CLSTN2: variants seen among roughly 807,000 people sequenced by gnomAD.
The protein encoded by CLSTN2 is calsyntenin-2.
CLSTN2 carries 48 observed loss-of-function variants against 101.2 expected under a neutral mutation model. The observed-to-expected ratio is 0.47, with a 90% CI of 0.38 to 0.60. CLSTN2 has a LOEUF of 0.60. Among genes scored for constraint, CLSTN2 ranks in the 20% least tolerant of loss-of-function variants. The probability of loss-of-function intolerance (pLI) is 0.00; values close to 1 mark genes in which losing one functional copy is unlikely to be tolerated. For synonymous variants in CLSTN2, 481 were observed against 463.6 expected (o/e 1.04, Z -0.48); for missense variants, 1,160 against 1,238.2 (o/e 0.94, Z 0.95).
chr3:140,077,318 C>T (rs914283203), intron 1 of CLSTN2, among the ~76,000 whole-genome samples: 1 of 152,188 alleles, frequency 6.6e-6, no homozygotes, highest in Non-Finnish European at 1.5e-5. Flanking sequence ...CAGGTTACCC[C>T]TCTGTGCTCC....
At chr3:140,071,971 A>C (rs1157533138) in intron 1 of CLSTN2, among the ~76,000 whole-genome samples, 2 of 152,246 alleles carry the variant, frequency 1.3e-5, no homozygotes, top group African/African-American at 4.8e-5. Context: ...CTGATTGGCA[A>C]AGATTCAAAA....
intron 5 of CLSTN2, among the ~76,000 whole-genome samples, chr3:140,427,880 GTCT>G (rs982281678): frequency 1.3e-5 from 2 of 152,144 alleles, no homozygotes; most frequent in Non-Finnish European, 1.5e-5. Context: ...ACCCAGTTTG[GTCT>G]TCTTAGTGTT....
At chr3:140,245,000 T>G (rs186994094) in intron 2 of CLSTN2, among the ~76,000 whole-genome samples, 25 of 152,342 alleles carry the variant, frequency 1.6e-4, no homozygotes, top group Admixed American at 2.6e-4. Context: ...AGTGGAGGTG[T>G]GCACAGTACT....
chr3:140,236,029 G>C (rs1004581279), intron 2 of CLSTN2, among the ~76,000 whole-genome samples: 10 of 152,094 alleles, frequency 6.6e-5, no homozygotes, highest in African/African-American at 2.4e-4. Flanking sequence ...GTGTCCCTGA[G>C]CAAGTGTTAG....
intron 2 of CLSTN2, among the ~76,000 whole-genome samples, chr3:140,227,734 T>G (rs897133343): frequency 4.6e-5 from 7 of 152,234 alleles, no homozygotes; most frequent in Non-Finnish European, 2.9e-5. Flanking sequence ...AGGTTGAGGT[T>G]ACCAAACCCT....
chr3:139,977,395 A>C (rs571070432), intron 1 of CLSTN2, among the ~76,000 whole-genome samples: 34 of 152,300 alleles, frequency 2.2e-4, no homozygotes, highest in Non-Finnish European at 3.7e-4. Context: ...CCCTGGGCTC[A>C]GGCCTCCATG....
chr3:140,427,818 G>A (rs1383326029), intron 5 of CLSTN2, among the ~76,000 whole-genome samples: 2 of 152,132 alleles, frequency 1.3e-5, no homozygotes, highest in Non-Finnish European at 2.9e-5. Flanking sequence ...AAGTTCTTGA[G>A]TTGCGATTTG....
chr3:140,554,471 G>A (rs1472870006), intron 10 of CLSTN2, among the ~76,000 whole-genome samples: 1 of 152,160 alleles, frequency 6.6e-6, no homozygotes, highest in Non-Finnish European at 1.5e-5. Flanking sequence ...GATGGGATTT[G>A]TCATTTATCA....
At chr3:140,033,150 A>G (rs912734695) in intron 1 of CLSTN2, among the ~76,000 whole-genome samples, 1 of 152,354 alleles carries the variant, frequency 6.6e-6, no homozygotes, top group Middle Eastern at 3.4e-3. Context: ...CGTAGTAGAT[A>G]ACACATAAAA....
Position 140,134,924 on chromosome 3 carries a change from G to A in CLSTN2, c.110-41027G>A, listed in dbSNP as rs557979340. On this transcript the variant is annotated intron_variant, in intron 1 of 16. Coordinates refer to ENST00000458420, the MANE Select transcript of CLSTN2 (RefSeq NM_022131.3). ...TAAGCTGGCTTGTTAAAAGAAGGTTGGAAAGGTGACTATATGAACATTTTA... is the reference window on the plus strand; with the variant it reads ...TAAGCTGGCTTGTTAAAAGAAGGTTAGAAAGGTGACTATATGAACATTTTA... 1.3e-3 allele frequency among the ~76,000 whole-genome samples: 191 copies of A among 151,734 alleles called. 1 individual carries two copies. Among genetic ancestry groups the A allele is most frequent in the African/African-American group, 4.5e-3 (187 of 41,330 alleles).
intron 4 of CLSTN2, among the ~76,000 whole-genome samples, chr3:140,405,561 C>CT (rs35222176): frequency 0.63 from 95,036 of 151,862 alleles, 30,356 homozygotes; most frequent in South Asian, 0.76. Context: ...TGCCAGTGTC[C>CT]TTTTGAGAAT....
chr3:140,069,049 A>G (rs902796825), intron 1 of CLSTN2, among the ~76,000 whole-genome samples: 1 of 152,326 alleles, frequency 6.6e-6, no homozygotes, highest in East Asian at 1.9e-4. Flanking sequence ...TTTTGTCTAC[A>G]TCTTGCAGAC....
intron 1 of CLSTN2, among the ~76,000 whole-genome samples, chr3:140,068,410 A>T (rs1455778689): frequency 6.6e-6 from 1 of 152,262 alleles, no homozygotes; most frequent in Non-Finnish European, 1.5e-5. Context: ...GGCACTTGGT[A>T]GATTACCCTC....
chr3:140,075,760 G>T (rs1470906325), intron 1 of CLSTN2, among the ~76,000 whole-genome samples: 1 of 152,066 alleles, frequency 6.6e-6, no homozygotes, highest in East Asian at 1.9e-4. Context: ...CTCAGCTTTT[G>T]CCTCTACCTT....
intron 1 of CLSTN2, among the ~76,000 whole-genome samples, chr3:140,029,898 G>A (rs1420997996): frequency 1.3e-5 from 2 of 152,108 alleles, no homozygotes; most frequent in African/African-American, 4.8e-5. Flanking sequence ...GGAGGCAACC[G>A]AATTTCAAAG....
At chr3:140,045,482 G>C (rs761914197) in intron 1 of CLSTN2, among the ~76,000 whole-genome samples, 1 of 152,006 alleles carries the variant, frequency 6.6e-6, no homozygotes, top group African/African-American at 2.4e-5. Context: ...ACCAGCTCCT[G>C]GATTCATTGA....
chr3:140,236,706 A>G (rs558626966), intron 2 of CLSTN2, among the ~76,000 whole-genome samples: 6 of 151,886 alleles, frequency 4.0e-5, no homozygotes, highest in East Asian at 1.9e-4. Context: ...TTCTATTGCT[A>G]TGTCTTCAAG....
At chr3:139,955,710 T>C (rs940547550) in intron 1 of CLSTN2, among the ~76,000 whole-genome samples, 1 of 50,874 alleles carries the variant, frequency 2.0e-5, no homozygotes, top group Non-Finnish European at 5.3e-5. Flanking sequence ...TCTCACTAGC[T>C]GATGGCTTGC....
At chr3:140,181,541 C>A (rs889328715) in intron 2 of CLSTN2, among the ~76,000 whole-genome samples, 1 of 152,030 alleles carries the variant, frequency 6.6e-6, no homozygotes, top group Non-Finnish European at 1.5e-5. Flanking sequence ...GTGGGACAGT[C>A]AGTTAAATAA....
Sources: allele counts gnomAD v4.1 joint callset (sites outside exome capture counted in the v4.1 genomes callset), GRCh38; gene constraint gnomAD v4.1.1; transcripts MANE v1.5; gene names NCBI Gene and HGNC (gene_info 2026-07-23, HGNC 2026-07-21).